ZDHHC14: variants seen among roughly 807,000 people sequenced by gnomAD.
ZDHHC14 encodes palmitoyltransferase ZDHHC14.
A neutral mutation model predicts 47.7 loss-of-function variants in ZDHHC14; 16 were observed. The ratio of observed to expected loss-of-function variants is 0.34; its 90% CI spans 0.23 to 0.51. ZDHHC14 has a LOEUF of 0.51. Among genes scored for constraint, ZDHHC14 ranks in the 20% least tolerant of loss-of-function variants. The probability of loss-of-function intolerance (pLI) is 0.97; values close to 1 mark genes in which losing one functional copy is unlikely to be tolerated. For synonymous variants in ZDHHC14, 293 were observed against 278.9 expected (o/e 1.05, Z -0.50); for missense variants, 515 against 662.5 (o/e 0.78, Z 2.44).
At chr6:157,491,208 C>A (rs1779905414) in intron 1 of ZDHHC14, among the ~76,000 whole-genome samples, 1 of 152,208 alleles carries the variant, frequency 6.6e-6, no homozygotes, top group African/African-American at 2.4e-5. Flanking sequence ...GGTAGACAGT[C>A]TTATTCGAAG....
chr6:157,537,567 T>A (rs1781587552), intron 1 of ZDHHC14, among the ~76,000 whole-genome samples: 1 of 152,218 alleles, frequency 6.6e-6, no homozygotes, highest in African/African-American at 2.4e-5. Context: ...TTCCAGTTAA[T>A]CTTTATGAAG....
chr6:157,590,383 CCTG>C (rs1212870233), intron 2 of ZDHHC14, among the ~76,000 whole-genome samples: 2 of 152,168 alleles, frequency 1.3e-5, no homozygotes, highest in African/African-American at 4.8e-5. Context: ...TCCAGGGCCC[CCTG>C]CTGTGTGCAG....
intron 1 of ZDHHC14, among the ~76,000 whole-genome samples, chr6:157,471,392 AC>A (rs1779351383): frequency 6.7e-6 from 1 of 150,302 alleles, no homozygotes; most frequent in South Asian, 2.1e-4. Flanking sequence ...TGTGGGCTGG[AC>A]TCCCCCGCCC....
At chr6:157,481,018 G>T (rs1231561808) in intron 1 of ZDHHC14, among the ~76,000 whole-genome samples, 1 of 152,188 alleles carries the variant, frequency 6.6e-6, no homozygotes, top group Non-Finnish European at 1.5e-5. Flanking sequence ...AGCTGAAACA[G>T]ATTGTTGAAA....
chr6:157,577,069 G>A (rs1265384160), intron 2 of ZDHHC14, among the ~76,000 whole-genome samples: 1 of 152,096 alleles, frequency 6.6e-6, no homozygotes, highest in Non-Finnish European at 1.5e-5. Context: ...TTGTGTCTGT[G>A]TGTTCTCATC....
chr6:157,631,806 C>G (rs764752747), intron 4 of ZDHHC14: 1 of 152,276 alleles, frequency 6.6e-6, no homozygotes, highest in Non-Finnish European at 1.5e-5. Context: ...CAGGCACTTG[C>G]GTCTGTGCCC....
In ZDHHC14 at chr6:157,649,140, A is replaced by AC. The variant is rs1469975790; in HGVS notation, c.965+1775dup. On this transcript the variant is annotated intron_variant, in intron 7 of 8. Coordinates refer to ENST00000359775, the MANE Select transcript of ZDHHC14 (RefSeq NM_024630.3). ...TGGGGCATTTCTTGAGGATGGTCCT[A>AC]CCCTGAGAAGTGTTTGAATCGTTTG... Among the ~76,000 whole-genome samples, 3 of 152,304 alleles carry AC rather than the reference A, an allele frequency of 2.0e-5. No individual in the cohort carries two copies. In the East Asian group the frequency reaches 5.8e-4, roughly 29 times the overall value.
chr6:157,668,684 A>C (rs1462476403), intron 8 of ZDHHC14, among the ~76,000 whole-genome samples: 1 of 152,206 alleles, frequency 6.6e-6, no homozygotes, highest in African/African-American at 2.4e-5. Flanking sequence ...TGGGTGACAG[A>C]GTGAGACTCC....
Position 157,514,222 on chromosome 6 carries a change from G to T in ZDHHC14, c.246-28363G>T, listed in dbSNP as rs549596638. Among the ~76,000 whole-genome samples the T allele has an allele frequency of 5.3e-5, 8 of 152,322 alleles. No individual in the cohort carries two copies. In the East Asian group the frequency reaches 7.7e-4, roughly 15 times the overall value. Reference sequence around the variant, plus strand: ...TGGGTTCCAGGGCTCTCAATTTTTTGGGGGGACAAGGCAGAGTTACGTGTA... The same window carrying T: ...TGGGTTCCAGGGCTCTCAATTTTTTTGGGGGACAAGGCAGAGTTACGTGTA... On this transcript the variant is annotated intron_variant, in intron 1 of 8. Transcript: ENST00000359775.
intron 4 of ZDHHC14, chr6:157,629,704 G>A (rs1785589583): frequency 6.6e-6 from 1 of 152,102 alleles, no homozygotes; most frequent in Admixed American, 6.6e-5. Flanking sequence ...ATGTGCTTGA[G>A]AGCCATGACT....
chr6:157,530,010 A>G (rs1781306841), intron 1 of ZDHHC14, among the ~76,000 whole-genome samples: 1 of 152,196 alleles, frequency 6.6e-6, no homozygotes, highest in Non-Finnish European at 1.5e-5. Context: ...AGCTGTGTAC[A>G]TTTCTGTAGA....
intron 1 of ZDHHC14, among the ~76,000 whole-genome samples, chr6:157,416,670 TAAAAAAAAAAA>T (rs570772103): frequency 8.0e-5 from 6 of 75,344 alleles, no homozygotes; most frequent in African/African-American, 2.5e-4. Context: ...CCTGTCTCAT[TAAAAAAAAAAA>T]AAAAAAAAAA....
At chr6:157,480,207 C>T (rs1779588691) in intron 1 of ZDHHC14, among the ~76,000 whole-genome samples, 1 of 149,402 alleles carries the variant, frequency 6.7e-6, no homozygotes, top group African/African-American at 2.5e-5. Context: ...CTTGGCGATG[C>T]TAGATAACAA....
chr6:157,599,283 G>A (rs755326040), intron 3 of ZDHHC14, among the ~76,000 whole-genome samples: 19 of 152,228 alleles, frequency 1.2e-4, no homozygotes, highest in Non-Finnish European at 2.5e-4. Context: ...GGGCAGCCCC[G>A]CACGGCCAGT....
At chr6:157,398,443 T>C (rs1777566426) in intron 1 of ZDHHC14, among the ~76,000 whole-genome samples, 1 of 152,190 alleles carries the variant, frequency 6.6e-6, no homozygotes, top group Admixed American at 6.5e-5. Context: ...ATTGAGGGCC[T>C]GCTGAGCCAT....
At chr6:157,394,901 T>A (rs1332588853) in intron 1 of ZDHHC14, among the ~76,000 whole-genome samples, 1 of 151,896 alleles carries the variant, frequency 6.6e-6, no homozygotes, top group Non-Finnish European at 1.5e-5. Context: ...TTGAGAATTT[T>A]AAAAAAATGA....
intron 1 of ZDHHC14, among the ~76,000 whole-genome samples, chr6:157,468,456 G>C: frequency 6.6e-6 from 1 of 152,210 alleles, no homozygotes; most frequent in East Asian, 1.9e-4. Context: ...TCCTGCTGAA[G>C]ATACAGTGCC....
chr6:157,613,231 T>C (rs1256276134), intron 3 of ZDHHC14, among the ~76,000 whole-genome samples: 4 of 152,224 alleles, frequency 2.6e-5, no homozygotes, highest in African/African-American at 9.6e-5. Context: ...TTTTGTGTTT[T>C]ACAGCAACTC....
chr6:157,428,213 G>A (rs1176891522), intron 1 of ZDHHC14, among the ~76,000 whole-genome samples: 1 of 152,152 alleles, frequency 6.6e-6, no homozygotes, highest in African/African-American at 2.4e-5. Context: ...CAGCAACACA[G>A]TAGGAAGATA....
Sources: allele counts gnomAD v4.1 joint callset (sites outside exome capture counted in the v4.1 genomes callset), GRCh38; gene constraint gnomAD v4.1.1; transcripts MANE v1.5; gene names NCBI Gene and HGNC (gene_info 2026-07-23, HGNC 2026-07-21).